Variants in SAMD8 observed in about 807,000 individuals in gnomAD.
SAMD8 encodes sphingomyelin synthase-related protein 1.
Under a neutral mutation model 42.0 loss-of-function variants are expected in SAMD8, and 20 were observed. The ratio of observed to expected loss-of-function variants is 0.48; its 90% CI spans 0.34 to 0.69. The LOEUF (loss-of-function observed/expected upper bound fraction) is 0.69, where lower values mean the gene tolerates loss of function less well. Ranked by LOEUF, SAMD8 falls within the 30% of genes least tolerant of loss-of-function variation. The pLI is 0.01. For synonymous variants in SAMD8, 162 were observed against 173.0 expected (o/e 0.94, Z 0.50); for missense variants, 328 against 511.6 (o/e 0.64, Z 3.46).
At chr10:75,157,144 T>C (rs1202598571) in intron 2 of SAMD8, among the ~76,000 whole-genome samples, 2 of 152,106 alleles carry the variant, frequency 1.3e-5, no homozygotes, top group Non-Finnish European at 1.5e-5. Flanking sequence ...ATGATGAGTT[T>C]AGGTGAATAA....
At chr10:75,103,851 C>A in intron 1 of SAMD8, 1 of 1,264,540 alleles carries the variant, frequency 7.9e-7, no homozygotes, top group South Asian at 1.3e-5. Flanking sequence ...GGTCCCTGGC[C>A]AAGAAGCCTG....
At chr10:75,132,868 G>C (rs1849304517) in intron 1 of SAMD8, among the ~76,000 whole-genome samples, 1 of 151,970 alleles carries the variant, frequency 6.6e-6, no homozygotes, top group South Asian at 2.1e-4. Context: ...ACACACCTGT[G>C]GTCCCAGCTA....
chr10:75,168,477 A>G, intron 3 of SAMD8, 64 bp from the exon 4 acceptor site: 1 of 1,588,918 alleles, frequency 6.3e-7, no homozygotes, highest in Non-Finnish European at 8.6e-7. Flanking sequence ...TAAATATTTG[A>G]TGCCTGGGGT....
At chr10:75,159,695 G>A (rs938642583) in intron 2 of SAMD8, among the ~76,000 whole-genome samples, 4 of 152,144 alleles carry the variant, frequency 2.6e-5, no homozygotes, top group African/African-American at 9.7e-5. Context: ...TAATTGGGAC[G>A]ACATTTAGAT....
intron 1 of SAMD8, among the ~76,000 whole-genome samples, chr10:75,101,651 A>G (rs1411103545): frequency 6.6e-6 from 1 of 152,204 alleles, no homozygotes; most frequent in Non-Finnish European, 1.5e-5. Flanking sequence ...CAACATACCC[A>G]GAGTCACATA....
At position 75,173,226 on chromosome 10, in the gene SAMD8, G is replaced by A. The variant is rs554594240; in HGVS notation, c.793-2840G>A. The stretch of plus-strand genomic sequence containing the variant: ...TATAATATAACCTACTTATTGACCC[G>A]TATTATTTGCAGTAATTGTTATAAA... On this transcript the variant is annotated intron_variant, in intron 4 of 5. Transcript: ENST00000542569. Among the ~76,000 whole-genome samples the A allele has an allele frequency of 6.6e-5, 10 of 152,062 alleles. No individual in the cohort carries two copies. In the South Asian group the frequency reaches 1.2e-3, roughly 19 times the overall value.
rs1047705558 is a variant in SAMD8 at position 75,172,542 on chromosome 10, G to A, written c.793-3524G>A. Among the ~76,000 whole-genome samples the A allele has an allele frequency of 1.7e-4, 25 of 151,472 alleles. 1 individual carries two copies. Among genetic ancestry groups the A allele is most frequent in the Non-Finnish European group, 7.4e-5 (5 of 67,924 alleles). On this transcript the variant is annotated intron_variant, in intron 4 of 5. Coordinates refer to ENST00000542569, the MANE Select transcript of SAMD8 (RefSeq NM_001174156.2). The stretch of plus-strand genomic sequence containing the variant: ...AGACGGAGTCTTTCTCTGTCGCCCC[G>A]GCTAGCGTGCGGTGGTGCGATCTTG...
At chr10:75,171,437 G>C (rs1022299840) in intron 4 of SAMD8, among the ~76,000 whole-genome samples, 3 of 152,038 alleles carry the variant, frequency 2.0e-5, no homozygotes, top group Non-Finnish European at 4.4e-5. Flanking sequence ...AAAGTGCTGA[G>C]ATTACAGGCG....
upstream of SAMD8, chr10:75,108,107 G>A (rs561707280): frequency 2.5e-5 from 40 of 1,613,722 alleles, no homozygotes; most frequent in Middle Eastern, 1.7e-4. Context: ...CACTGCTGCC[G>A]TAGAAGTCAG....
In SAMD8 at chr10:75,165,013, G is replaced by A. The variant is rs566945982; in HGVS notation, c.674+273G>A. Among the ~76,000 whole-genome samples, 31 of 152,370 alleles carry A rather than the reference G, an allele frequency of 2.0e-4. No individual in the cohort carries two copies. In the South Asian group the frequency reaches 6.4e-3, roughly 32 times the overall value. The stretch of plus-strand genomic sequence containing the variant: ...ATCTCTGATCTAAAAAAAAGAGGCT[G>A]GGCGCGGTGGCTCATGCCTGTAATC... On this transcript the variant is annotated intron_variant, in intron 3 of 5. Coordinates refer to ENST00000542569, the MANE Select transcript of SAMD8 (RefSeq NM_001174156.2).
intron 1 of SAMD8, among the ~76,000 whole-genome samples, chr10:75,136,035 C>T (rs1015452710): frequency 2.6e-5 from 4 of 152,036 alleles, no homozygotes; most frequent in African/African-American, 9.7e-5. Context: ...CCACTAAGCT[C>T]TTCTGCTGCA....
chr10:75,128,322 C>T (rs979564358), intron 1 of SAMD8, among the ~76,000 whole-genome samples: 2 of 152,138 alleles, frequency 1.3e-5, no homozygotes, highest in African/African-American at 4.8e-5. Flanking sequence ...ATCCACCTGC[C>T]TCGACCTCCA....
chr10:75,122,674 C>G (rs998499023), intron 1 of SAMD8, among the ~76,000 whole-genome samples: 1 of 151,804 alleles, frequency 6.6e-6, no homozygotes. Context: ...ACCCAGCACC[C>G]CAGCACTTTG....
intron 1 of SAMD8, among the ~76,000 whole-genome samples, chr10:75,120,505 G>A (rs796494670): frequency 7.4e-4 from 113 of 152,042 alleles, no homozygotes; most frequent in African/African-American, 2.4e-3. Flanking sequence ...TCCTGACCTC[G>A]TGATCCGCCC....
intron 1 of SAMD8, among the ~76,000 whole-genome samples, chr10:75,103,566 T>C (rs948609705): frequency 1.3e-5 from 2 of 152,212 alleles, no homozygotes; most frequent in African/African-American, 4.8e-5. Context: ...ACTAGAAATC[T>C]TCTCTGTCAT....
rs1839959444 is a variant in SAMD8, at chr10:75,139,099, T to TA, written c.-15-11414dup. On this transcript the variant is annotated intron_variant, in intron 1 of 5. Transcript: ENST00000542569. ...CCTCAGCCTCCTGAGTAGCTGGAAT[T>TA]ACAGGCATGCACCACCACGCCCGAT... 2.6e-5 allele frequency among the ~76,000 whole-genome samples: 4 copies of TA among 152,086 alleles called. 1 individual carries two copies. The highest frequency in any genetic ancestry group is 9.6e-5 in the African/African-American group (4 of 41,492).
At chr10:75,111,087 A>G (rs1048939716), upstream of SAMD8, among the ~76,000 whole-genome samples, 4 of 152,258 alleles carry the variant, frequency 2.6e-5, no homozygotes, top group African/African-American at 9.6e-5. Context: ...TGCTGGGATT[A>G]CAGACGTGAG....
intron 4 of SAMD8, among the ~76,000 whole-genome samples, chr10:75,172,238 G>T (rs769778858): frequency 2.6e-5 from 4 of 152,058 alleles, no homozygotes; most frequent in Admixed American, 6.6e-5. Flanking sequence ...TGTGCATGGT[G>T]TGCGCAGTTT....
At chr10:75,121,183 TCTC>T (rs1233173466) in intron 1 of SAMD8, among the ~76,000 whole-genome samples, 2 of 152,182 alleles carry the variant, frequency 1.3e-5, no homozygotes, top group African/African-American at 4.8e-5. Context: ...AAGTAGGAAT[TCTC>T]CTCATTTTAC....
Sources: gnomAD v4.1 joint callset for allele counts (sites outside exome capture counted in the v4.1 genomes callset) on GRCh38, gnomAD v4.1.1 for gene constraint, MANE v1.5 for transcripts, NCBI Gene and HGNC (gene_info 2026-07-23, HGNC 2026-07-21) for gene names.